Variants in GNA14 observed in about 807,000 individuals in gnomAD.
GNA14 encodes G protein subunit alpha 14.
GNA14 carries 50 observed loss-of-function variants against 42.0 expected under a neutral mutation model. The observed-to-expected ratio is 1.19, with a 90% confidence interval of 0.95 to 1.51. The LOEUF (loss-of-function observed/expected upper bound fraction) is 1.51, where lower values mean the gene tolerates loss of function less well. Ranked by LOEUF, GNA14 falls within the 40% of genes most tolerant of loss-of-function variation. The pLI, the probability that GNA14 is intolerant of heterozygous loss-of-function variation, is 0.00. For synonymous variants in GNA14, 173 were observed against 163.1 expected (o/e 1.06, Z -0.46); for missense variants, 473 against 446.2 (o/e 1.06, Z -0.54).
At chr9:77,503,732 A>C (rs1270137966) in intron 2 of GNA14, among the ~76,000 whole-genome samples, 1 of 144,448 alleles carries the variant, frequency 6.9e-6, no homozygotes, top group Non-Finnish European at 1.5e-5. Flanking sequence ...ATCTCGGCTC[A>C]CTGCAGCCTC....
chr9:77,425,660 A>T lies in GNA14; in HGVS notation c.779T>A (p.Phe260Tyr). The T allele has an allele frequency of 1.9e-6, 3 of 1,610,416 alleles. No individual in the cohort carries two copies. The highest frequency in any genetic ancestry group is 2.5e-6 in the Non-Finnish European group (3 of 1,176,626). The change falls in exon 6 of 7, where the codon TTT (phenylalanine) becomes TAT (tyrosine). Residue 260 changes from phenylalanine (F) to tyrosine (Y), a missense_variant. Transcript: ENST00000341700. ...LFKTIITYPW[F>Y]LNSSVILFLN... The stretch of plus-strand genomic sequence containing the variant: ...GAATAAAATCACAGACGAATTCAGA[A>T]ACCAGGGGTAGGTGATGATGGTTTT...
intron 1 of GNA14, among the ~76,000 whole-genome samples, chr9:77,604,887 C>A (rs1427342961): frequency 6.6e-6 from 1 of 152,244 alleles, no homozygotes; most frequent in East Asian, 1.9e-4. Flanking sequence ...TTCCAGTCCT[C>A]TGGTGGATGA....
intron 1 of GNA14, among the ~76,000 whole-genome samples, chr9:77,620,099 C>T (rs562772399): frequency 2.0e-5 from 3 of 151,690 alleles, no homozygotes; most frequent in East Asian, 3.9e-4. Context: ...CACACACACA[C>T]GTGCACACAC....
Position 77,461,729 on chromosome 9 carries a change from A to G in GNA14, c.310-27207T>C, listed in dbSNP as rs369459068. Among the ~76,000 whole-genome samples, 147 of 148,580 alleles carry G rather than the reference A, an allele frequency of 9.9e-4. 1 individual carries two copies. The South Asian group carries it at 0.021, about 21-fold the overall frequency. ...CCCCCAAACATGCTTCTCTTAAATC[A>G]GCATGCGTTTACTGTTAGAATTTCT... On this transcript the variant is annotated intron_variant, in intron 2 of 6. Transcript: ENST00000341700.
chr9:77,443,932 T>C (rs1038645865), intron 2 of GNA14, among the ~76,000 whole-genome samples: 4 of 152,150 alleles, frequency 2.6e-5, no homozygotes, highest in Admixed American at 6.6e-5. Context: ...GAGTAAGCTA[T>C]GATTGTGCTA....
chr9:77,608,164 G>A (rs565444806), intron 1 of GNA14, among the ~76,000 whole-genome samples: 228 of 152,290 alleles, frequency 1.5e-3, no homozygotes, highest in African/African-American at 5.2e-3. Flanking sequence ...TTATTCTTAA[G>A]CCTTAGCATC....
At chr9:77,521,168 T>G (rs557030351) in intron 2 of GNA14, among the ~76,000 whole-genome samples, 1 of 152,314 alleles carries the variant, frequency 6.6e-6, no homozygotes, top group African/African-American at 2.4e-5. Flanking sequence ...TTGTTGTTGT[T>G]GTGACAACAG....
At chr9:77,564,597 C>T (rs1257405494) in intron 1 of GNA14, among the ~76,000 whole-genome samples, 2 of 151,948 alleles carry the variant, frequency 1.3e-5, no homozygotes, top group Admixed American at 6.6e-5. Flanking sequence ...CTTTGGGAGG[C>T]GGAGGCGGGC....
rs142128650 is a variant in GNA14 at position 77,499,578 on chromosome 9, C to T, written c.309+29491G>A. 7.4e-3 allele frequency among the ~76,000 whole-genome samples: 1,134 copies of T among 152,224 alleles called. 13 individuals are homozygous for T. The highest frequency in any genetic ancestry group is 0.025 in the African/African-American group (1,027 of 41,524). On this transcript the variant is annotated intron_variant, in intron 2 of 6. Coordinates refer to ENST00000341700, the MANE Select transcript of GNA14 (RefSeq NM_004297.4). ...AAACATTTAAAAGAATGGCCGGGCA[C>T]AGTGGCTCATGCCTGTAATCCCAGC...
In GNA14 at chr9:77,620,119, G is replaced by C. The variant is rs192785883; in HGVS notation, c.124+27551C>G. Among the ~76,000 whole-genome samples, 414 of 151,872 alleles carry C rather than the reference G, an allele frequency of 2.7e-3. 2 individuals are homozygous for C. Among genetic ancestry groups the C allele is most frequent in the Non-Finnish European group, 2.5e-3 (173 of 67,982 alleles). ...ACACACGTGCACACACACACACACAGAGTCTATCTGCCTTGAATGATCAAG... is the reference window on the plus strand; with the variant it reads ...ACACACGTGCACACACACACACACACAGTCTATCTGCCTTGAATGATCAAG... On this transcript the variant is annotated intron_variant, in intron 1 of 6. Coordinates refer to ENST00000341700, the MANE Select transcript of GNA14 (RefSeq NM_004297.4).
chr9:77,440,301 C>A (rs1388701276), intron 2 of GNA14, among the ~76,000 whole-genome samples: 1 of 152,206 alleles, frequency 6.6e-6, no homozygotes, highest in Non-Finnish European at 1.5e-5. Context: ...GGATCCGTGG[C>A]TGCCGGTGAC....
chr9:77,515,974 A>C lies in GNA14; in HGVS notation c.309+13095T>G, dbSNP rs909114992. ...ACCCTGTCTCACAAAAAAAAAAAAAAAAAAAAAAACCCAGAGCAGGAAGAG... is the reference window on the plus strand; with the variant it reads ...ACCCTGTCTCACAAAAAAAAAAAAACAAAAAAAAACCCAGAGCAGGAAGAG... On this transcript the variant is annotated intron_variant, in intron 2 of 6. Coordinates refer to ENST00000341700, the MANE Select transcript of GNA14 (RefSeq NM_004297.4). 1.3e-5 allele frequency among the ~76,000 whole-genome samples: 2 copies of C among 149,052 alleles called. 1 individual carries two copies. Among genetic ancestry groups the C allele is most frequent in the Non-Finnish European group, 3.0e-5 (2 of 67,272 alleles).
chr9:77,428,060 T>A (rs553366668), intron 5 of GNA14, among the ~76,000 whole-genome samples: 30 of 150,988 alleles, frequency 2.0e-4, no homozygotes, highest in African/African-American at 7.3e-4. Flanking sequence ...GTCCAAGAGA[T>A]GGCATTTTTT....
chr9:77,443,088 CA>C (rs1443062176), intron 2 of GNA14, among the ~76,000 whole-genome samples: 6 of 152,122 alleles, frequency 3.9e-5, no homozygotes, highest in Non-Finnish European at 8.8e-5. Context: ...GAGAAATGGA[CA>C]AATCTTCACC....
intron 1 of GNA14, among the ~76,000 whole-genome samples, chr9:77,585,437 C>T (rs1823288454): frequency 6.6e-6 from 1 of 152,178 alleles, no homozygotes; most frequent in African/African-American, 2.4e-5. Context: ...TCACTATAGT[C>T]TCTTATCAAT....
chr9:77,496,881 A>T (rs1471121817), intron 2 of GNA14, among the ~76,000 whole-genome samples: 1 of 152,218 alleles, frequency 6.6e-6, no homozygotes, highest in East Asian at 1.9e-4. Flanking sequence ...ATACAGAAGA[A>T]TATAACAAAT....
intron 2 of GNA14, among the ~76,000 whole-genome samples, chr9:77,492,753 G>A (rs996291629): frequency 1.3e-5 from 2 of 151,952 alleles, no homozygotes; most frequent in African/African-American, 4.8e-5. Flanking sequence ...TGTAATCCCA[G>A]CACTTTGGGA....
intron 1 of GNA14, among the ~76,000 whole-genome samples, chr9:77,634,727 CAA>C (rs912375854): frequency 9.9e-5 from 15 of 152,018 alleles, no homozygotes; most frequent in African/African-American, 3.4e-4. Flanking sequence ...CAATCACAAA[CAA>C]AAAAGACTTT....
intron 5 of GNA14, among the ~76,000 whole-genome samples, chr9:77,427,929 G>C (rs1835477997): frequency 6.6e-6 from 1 of 152,204 alleles, no homozygotes; most frequent in Non-Finnish European, 1.5e-5. Flanking sequence ...TAGGAAGCCT[G>C]TGCCCAGGTA....
Sources: gnomAD v4.1 joint callset for allele counts (sites outside exome capture counted in the v4.1 genomes callset) on GRCh38, gnomAD v4.1.1 for gene constraint, MANE v1.5 for transcripts, NCBI Gene and HGNC (gene_info 2026-07-23, HGNC 2026-07-21) for gene names.